The following KLHL29 variants were observed in gnomAD, a reference collection of about 807,000 sequenced individuals.
KLHL29 encodes the protein kelch like family member 29, also known as kelch-like protein 29.
A neutral mutation model predicts 80.4 loss-of-function variants in KLHL29; 21 were observed. The ratio of observed to expected loss-of-function variants is 0.26; its 90% CI spans 0.19 to 0.38. The LOEUF is 0.38. Ranked by LOEUF, KLHL29 falls within the 10% of genes least tolerant of loss-of-function variation. The pLI is 1.00. For missense variants in KLHL29, 867 were observed against 1,223.9 expected (o/e 0.71, Z 4.35); for synonymous variants, 511 against 526.8 (o/e 0.97, Z 0.41).
At chr2:23,502,406 G>A (rs1007508118) in intron 2 of KLHL29, among the ~76,000 whole-genome samples, 1 of 152,210 alleles carries the variant, frequency 6.6e-6, no homozygotes, top group Non-Finnish European at 1.5e-5. Context: ...CTAGTGGGCG[G>A]TTCTCCCGGG....
rs1672314793 is a variant in KLHL29 at position 23,700,805 on chromosome 2, C to T, written c.2106-2381C>T. Among the ~76,000 whole-genome samples, 1 of 152,186 alleles carries T rather than the reference C, an allele frequency of 6.6e-6. No homozygotes were observed. Among genetic ancestry groups the T allele is most frequent in the Non-Finnish European group, 1.5e-5 (1 of 68,030 alleles). ...CAGAGCAGTGGCCTGCTGGAGATTC[C>T]ATCCTCCATCCTTGAAGCCCTCACC... On this transcript the variant is annotated intron_variant, in intron 11 of 13. Transcript: ENST00000486442. This position sits in a 1 kb window ranked among gnomAD's most constrained non-coding sequence, Gnocchi z 4.6.
intron 2 of KLHL29, among the ~76,000 whole-genome samples, chr2:23,478,702 C>T (rs570416571): frequency 6.6e-6 from 1 of 152,230 alleles, no homozygotes; most frequent in South Asian, 2.1e-4. Flanking sequence ...CAGTGCTGAT[C>T]GTCACTGGTG....
intron 2 of KLHL29, among the ~76,000 whole-genome samples, chr2:23,522,984 G>A (rs1327376133): frequency 5.9e-5 from 9 of 151,842 alleles, no homozygotes; most frequent in Admixed American, 1.3e-4. Flanking sequence ...TGTTAGAGCC[G>A]TCTCTGAAGA....
At chr2:23,571,658 G>A (rs1282095948) in intron 3 of KLHL29, among the ~76,000 whole-genome samples, 6 of 152,176 alleles carry the variant, frequency 3.9e-5, no homozygotes. Context: ...AAGAAAAAAA[G>A]TCATCCTTCT....
intron 2 of KLHL29, among the ~76,000 whole-genome samples, chr2:23,532,239 C>T (rs1666512896): frequency 6.6e-6 from 1 of 152,194 alleles, no homozygotes; most frequent in Admixed American, 6.5e-5. Context: ...TGATGCTGTG[C>T]TCAGACACTG....
At chr2:23,547,093 C>A (rs933776097) in intron 2 of KLHL29, among the ~76,000 whole-genome samples, 6 of 152,170 alleles carry the variant, frequency 3.9e-5, no homozygotes, top group African/African-American at 7.2e-5. Flanking sequence ...AGTGCCACAG[C>A]GGAAGGAGGG....
chr2:23,586,905 G>T (rs920991454), intron 3 of KLHL29, among the ~76,000 whole-genome samples: 31 of 152,166 alleles, frequency 2.0e-4, no homozygotes, highest in African/African-American at 7.5e-4. Context: ...TCCTAAAACA[G>T]CAGGGAGTAT....
intron 6 of KLHL29, among the ~76,000 whole-genome samples, chr2:23,686,194 C>A (rs1671250973): frequency 6.6e-6 from 1 of 152,046 alleles, no homozygotes; most frequent in Admixed American, 6.5e-5. Context: ...CTGGGGCAGG[C>A]AAGCCCTGAC....
At chr2:23,591,556 C>G (rs111974984) in intron 3 of KLHL29, among the ~76,000 whole-genome samples, 21 of 151,938 alleles carry the variant, frequency 1.4e-4, no homozygotes, top group African/African-American at 3.1e-4. Flanking sequence ...CCTTACCCCC[C>G]ACAGCCAGTG....
At chr2:23,659,147 C>T (rs1450962602) in intron 5 of KLHL29, among the ~76,000 whole-genome samples, 1 of 152,116 alleles carries the variant, frequency 6.6e-6, no homozygotes, top group Admixed American at 6.5e-5. Context: ...TGCCACCTAC[C>T]AGAAAATTGT....
intron 2 of KLHL29, among the ~76,000 whole-genome samples, chr2:23,507,421 G>T (rs963533524): frequency 1.3e-5 from 2 of 152,208 alleles, no homozygotes; most frequent in East Asian, 1.9e-4. Flanking sequence ...TCCCGGAGCA[G>T]CGTCACAGTG....
At chr2:23,440,285 C>A (rs1164137939) in intron 1 of KLHL29, among the ~76,000 whole-genome samples, 1 of 151,904 alleles carries the variant, frequency 6.6e-6, no homozygotes, top group East Asian at 1.9e-4. Flanking sequence ...ATGTAGAAAG[C>A]TGAAACTGGA....
intron 1 of KLHL29, among the ~76,000 whole-genome samples, chr2:23,393,461 G>A (rs1219674122): frequency 4.6e-5 from 7 of 152,264 alleles, no homozygotes; most frequent in South Asian, 2.1e-4. Context: ...CATCCGTGCC[G>A]TCTGTCCTCT....
intron 2 of KLHL29, among the ~76,000 whole-genome samples, chr2:23,538,297 T>A (rs532585032): frequency 1.3e-5 from 2 of 152,316 alleles, no homozygotes; most frequent in African/African-American, 4.8e-5. Context: ...GACCACACTT[T>A]GAGAAACAAA....
intron 6 of KLHL29, among the ~76,000 whole-genome samples, chr2:23,686,144 AG>A (rs1479334123): frequency 1.8e-5 from 2 of 112,826 alleles, no homozygotes; most frequent in Non-Finnish European, 3.6e-5. Flanking sequence ...TGAGTGGGGA[AG>A]GGCAGGGTGG....
intron 1 of KLHL29, among the ~76,000 whole-genome samples, chr2:23,409,705 G>C (rs1666816248): frequency 1.3e-5 from 2 of 152,194 alleles, no homozygotes; most frequent in South Asian, 4.1e-4. Flanking sequence ...GCTTGGTGTT[G>C]GAACTCGACA....
At chr2:23,685,700 G>GCC (rs1671225188) in intron 6 of KLHL29, among the ~76,000 whole-genome samples, 1 of 152,224 alleles carries the variant, frequency 6.6e-6, no homozygotes, top group Admixed American at 6.5e-5. Flanking sequence ...CAGGTCTCCT[G>GCC]CCCCCGGTGC....
At chr2:23,608,734 AG>A (rs1232469662) in intron 3 of KLHL29, among the ~76,000 whole-genome samples, 1 of 152,222 alleles carries the variant, frequency 6.6e-6, no homozygotes, top group Non-Finnish European at 1.5e-5. Context: ...GGAGGCACTG[AG>A]GATTATCCAT....
At chr2:23,625,544 G>A (rs1669287069) in intron 3 of KLHL29, among the ~76,000 whole-genome samples, 1 of 152,230 alleles carries the variant, frequency 6.6e-6, no homozygotes, top group Non-Finnish European at 1.5e-5. Flanking sequence ...GCTGGTGGGA[G>A]GACCCACTGG....
Sources: gnomAD v4.1 joint callset for allele counts (sites outside exome capture counted in the v4.1 genomes callset) on GRCh38, gnomAD v4.1.1 for gene constraint, Gnocchi (gnomAD v3.1) non-coding constraint, MANE v1.5 for transcripts, NCBI Gene and HGNC (gene_info 2026-07-23, HGNC 2026-07-21) for gene names.